Variants in CBFA2T3 observed in about 807,000 individuals in gnomAD.
The protein encoded by CBFA2T3 is transcriptional corepressor CBFA2T3.
In CBFA2T3, 31 loss-of-function variants were observed where a neutral mutation model predicts 58.6. The ratio of observed to expected loss-of-function variants is 0.53; its 90% CI spans 0.40 to 0.71. The LOEUF (loss-of-function observed/expected upper bound fraction) is 0.71. Ranked by LOEUF, CBFA2T3 falls within the 30% of genes least tolerant of loss-of-function variation. CBFA2T3 has a pLI of 0.00. For missense variants in CBFA2T3, 1,076 were observed against 963.1 expected, an observed-to-expected ratio of 1.12 and a Z score of -1.55; for synonymous variants, 531 against 421.9, an observed-to-expected ratio of 1.26 and a Z score of -3.17.
intron 3 of CBFA2T3, among the ~76,000 whole-genome samples, chr16:88,895,628 G>C (rs1969857436): frequency 6.6e-6 from 1 of 152,140 alleles, no homozygotes; most frequent in African/African-American, 2.4e-5. Flanking sequence ...GGGGGAACAG[G>C]TGTGCCCACG....
chr16:88,976,593 A>G, intron 1 of CBFA2T3, 64 bp downstream of exon 1: 2 of 1,296,416 alleles, frequency 1.5e-6, no homozygotes, highest in Non-Finnish European at 2.1e-6. Context: ...CTAAGGAGTC[A>G]CAGCCCCGGC....
In CBFA2T3 at chr16:88,950,914, G is replaced by C. The variant is rs1262366213; in HGVS notation, c.151+25743C>G. 1.0e-4 allele frequency: 39 copies of C among 379,912 alleles called. 1 individual carries two copies. In the African/African-American group the frequency reaches 1.4e-3, roughly 14 times the overall value. The allele number at this position is 379,912 out of a possible 1,614,324, so 23.5% of individuals were successfully genotyped here. A position where few individuals can be genotyped will look rare whatever the true frequency, so the allele number is the denominator to read the frequency against. ...ACCGGCACAGAGGGTCAGAGTGTTG[G>C]CACCTGTCTTCCGGATCTGTTCACC... is the stretch of plus-strand genomic sequence containing the variant. On this transcript the variant is annotated intron_variant, in intron 1 of 11. Transcript: ENST00000268679.
At chr16:88,943,620 A>G (rs1971820303) in intron 1 of CBFA2T3, among the ~76,000 whole-genome samples, 1 of 152,114 alleles carries the variant, frequency 6.6e-6, no homozygotes, top group Non-Finnish European at 1.5e-5. Context: ...GGGTGGTCAG[A>G]TGGTCCTGGC....
intron 1 of CBFA2T3, among the ~76,000 whole-genome samples, chr16:88,935,941 G>T (rs922749631): frequency 6.6e-6 from 1 of 151,626 alleles, no homozygotes; most frequent in Non-Finnish European, 1.5e-5. Flanking sequence ...GAGGGGAGTC[G>T]AATCCAGGTG....
chr16:88,903,692 G>GGC (rs1224162319), intron 1 of CBFA2T3, among the ~76,000 whole-genome samples: 2 of 64,798 alleles, frequency 3.1e-5, no homozygotes, highest in African/African-American at 6.7e-5. Context: ...GGGCATTCCT[G>GGC]GGGGGGGCGT....
At chr16:88,954,398 T>TCCTGATCCC (rs1972158392) in intron 1 of CBFA2T3, among the ~76,000 whole-genome samples, 2 of 80,740 alleles carry the variant, frequency 2.5e-5, no homozygotes, top group African/African-American at 1.2e-4. Flanking sequence ...CTCCTGACCC[T>TCCTGATCCC]ACCCAAGACT....
intron 1 of CBFA2T3, among the ~76,000 whole-genome samples, chr16:88,968,682 G>C (rs1236354346): frequency 1.3e-5 from 2 of 152,228 alleles, no homozygotes; most frequent in Admixed American, 6.5e-5. Flanking sequence ...GGGGCTGGGG[G>C]TGTCAGGACA....
intron 2 of CBFA2T3, among the ~76,000 whole-genome samples, chr16:88,899,207 C>A (rs941777174): frequency 2.6e-5 from 4 of 152,162 alleles, no homozygotes; most frequent in Non-Finnish European, 5.9e-5. Flanking sequence ...AGAGGCCAGT[C>A]CCCGGGGAGG....
intron 3 of CBFA2T3, among the ~76,000 whole-genome samples, chr16:88,892,904 G>C (rs1311968451): frequency 6.6e-6 from 1 of 152,210 alleles, no homozygotes; most frequent in African/African-American, 2.4e-5. Flanking sequence ...TGGGGCTGAA[G>C]TCAGGCCCTT....
chr16:88,885,729 C>T lies in CBFA2T3; in HGVS notation c.893+232G>A. On this transcript the variant is annotated intron_variant, in intron 6 of 11. Coordinates refer to ENST00000268679, the MANE Select transcript of CBFA2T3 (RefSeq NM_005187.6). The surrounding 1 kb of genome is among the most constrained non-coding windows in gnomAD (Gnocchi z 5.3). ...GAGCCGTCCTCCCACCAGCCTCCTC[C>T]CTGTCCTCCTAGGCTCCCCGGAGCA... is the stretch of plus-strand genomic sequence containing the variant. 1 of 549,934 alleles carries T rather than the reference C, an allele frequency of 1.8e-6. No homozygotes were observed. Among genetic ancestry groups the T allele is most frequent in the Non-Finnish European group, 3.2e-6 (1 of 309,238 alleles). 34.1% of individuals were successfully genotyped at this position (549,934 alleles called of 1,614,324 possible).
intron 3 of CBFA2T3, among the ~76,000 whole-genome samples, chr16:88,894,147 ACACACATG>A (rs1969767477): frequency 6.6e-6 from 1 of 151,996 alleles, no homozygotes; most frequent in South Asian, 2.1e-4. Flanking sequence ...CACCACCCTT[ACACACATG>A]CACGCACACA....
intron 9 of CBFA2T3, 33 bp downstream of exon 9, chr16:88,881,258 T>C (rs1969061044): frequency 6.4e-7 from 1 of 1,571,484 alleles, no homozygotes; most frequent in African/African-American, 1.3e-5. Context: ...GAGCACCCCG[T>C]GTCTGCTCCC....
chr16:88,924,655 C>T (rs1280526795), intron 1 of CBFA2T3, among the ~76,000 whole-genome samples: 2 of 152,216 alleles, frequency 1.3e-5, no homozygotes, highest in African/African-American at 4.8e-5. Context: ...AGAGGCAGAG[C>T]CCCATGGCCG....
In CBFA2T3 at chr16:88,951,227, G is replaced by A. The variant is rs879110606; in HGVS notation, c.151+25430C>T. ...TTCACCCGTCCCCTGGACCGGCACCGGCACAGAGGGTCAGAGTGTTGGCAC... is the reference window on the plus strand; with the variant it reads ...TTCACCCGTCCCCTGGACCGGCACCAGCACAGAGGGTCAGAGTGTTGGCAC... On this transcript the variant is annotated intron_variant, in intron 1 of 11. Coordinates refer to ENST00000268679, the MANE Select transcript of CBFA2T3 (RefSeq NM_005187.6). 64 of 431,950 alleles carry A rather than the reference G, an allele frequency of 1.5e-4. 1 individual carries two copies. The highest frequency in any genetic ancestry group is 3.5e-4 in the Admixed American group (14 of 40,074). 26.8% of individuals were successfully genotyped at this position (431,950 alleles called of 1,614,324 possible).
intron 1 of CBFA2T3, among the ~76,000 whole-genome samples, chr16:88,925,570 T>C (rs1251106172): frequency 6.6e-6 from 1 of 152,172 alleles, no homozygotes; most frequent in African/African-American, 2.4e-5. Context: ...GGCAGTCACT[T>C]TGCAGTGGCA....
intron 1 of CBFA2T3, among the ~76,000 whole-genome samples, chr16:88,976,167 C>G (rs913208448): frequency 6.6e-6 from 1 of 152,208 alleles, no homozygotes; most frequent in Non-Finnish European, 1.5e-5. Flanking sequence ...GGAATCGTTC[C>G]TCGGACAGGG....
intron 1 of CBFA2T3, among the ~76,000 whole-genome samples, chr16:88,965,185 G>A (rs1335242098): frequency 7.5e-6 from 1 of 133,262 alleles, no homozygotes; most frequent in African/African-American, 2.9e-5. Flanking sequence ...TGAGGCATTT[G>A]GATCATTTAA....
chr16:88,924,514 C>T (rs527663705), intron 1 of CBFA2T3, among the ~76,000 whole-genome samples: 219 of 152,148 alleles, frequency 1.4e-3, no homozygotes, highest in African/African-American at 4.8e-3. Context: ...GGGAGAAGAG[C>T]GGGCGGAGGG....
At position 88,875,193 on chromosome 16, in the gene CBFA2T3, C is replaced by CA. The variant is rs201508192; in HGVS notation, c.*1782dup. ...CGGGCCACACCACGCACACAGATGC[C>CA]AAGCCACGGGCCACGCCACACGCAC... On this transcript the variant is annotated 3_prime_UTR_variant, in exon 12 of 12. Transcript: ENST00000268679. The CA allele has an allele frequency of 0.014, 3,225 of 235,554 alleles. 26 individuals carry two copies. The highest frequency in any genetic ancestry group is 0.019 in the East Asian group (320 of 16,568). The allele number at this position is 235,554 out of a possible 1,614,324, so 14.6% of individuals were successfully genotyped here. A position where few individuals can be genotyped will look rare whatever the true frequency, so the allele number is the denominator to read the frequency against.
Sources: gnomAD v4.1 joint callset for allele counts (sites outside exome capture counted in the v4.1 genomes callset) on GRCh38, gnomAD v4.1.1 for gene constraint, Gnocchi (gnomAD v3.1) non-coding constraint, MANE v1.5 for transcripts, NCBI Gene and HGNC (gene_info 2026-07-23, HGNC 2026-07-21) for gene names.